The following GALNT13 variants were observed in gnomAD, a reference collection of about 807,000 sequenced individuals.
GALNT13 encodes UDP-GalNAc:polypeptide N-acetylgalactosaminyltransferase 13.
Under a neutral mutation model 64.2 loss-of-function variants are expected in GALNT13, and 28 were observed. That is an observed-to-expected ratio of 0.44 (90% CI 0.32 to 0.60). GALNT13 has a LOEUF of 0.60. GALNT13 is among the 20% of genes least tolerant of loss of function. GALNT13 has a pLI of 0.05. For synonymous variants in GALNT13, 214 were observed against 224.6 expected (o/e 0.95, Z 0.42); for missense variants, 577 against 669.8 (o/e 0.86, Z 1.53).
chr2:153,933,232 C>T (rs1240482906), intron 2 of GALNT13, among the ~76,000 whole-genome samples: 1 of 152,100 alleles, frequency 6.6e-6, no homozygotes, highest in Non-Finnish European at 1.5e-5. Flanking sequence ...TGAAGTCCCC[C>T]ATTACTATTG....
chr2:153,768,781 G>T, the GALNT13 span, among the ~76,000 whole-genome samples: 6 of 152,262 alleles, frequency 3.9e-5, 1 homozygote, highest in East Asian at 1.2e-3. Context: ...CAGGAAAATG[G>T]TGTGAACCCA....
At chr2:153,629,523 T>C in the GALNT13 span, among the ~76,000 whole-genome samples, 1 of 152,150 alleles carries the variant, frequency 6.6e-6, no homozygotes, top group Non-Finnish European at 1.5e-5. Context: ...ACTTCAATGT[T>C]AGACGTAAAA....
the GALNT13 span, among the ~76,000 whole-genome samples, chr2:153,138,900 G>C: frequency 6.6e-6 from 1 of 151,966 alleles, no homozygotes; most frequent in South Asian, 2.1e-4. Context: ...GGTTGAGTAT[G>C]TGCTCAAAGA....
chr2:154,076,674 C>T (rs1701005288), intron 3 of GALNT13, among the ~76,000 whole-genome samples: 1 of 151,600 alleles, frequency 6.6e-6, no homozygotes, highest in East Asian at 1.9e-4. Context: ...AAATGCTAAA[C>T]TGGGTGGGAT....
chr2:153,387,659 C>T, the GALNT13 span, among the ~76,000 whole-genome samples: 1 of 152,056 alleles, frequency 6.6e-6, no homozygotes, highest in African/African-American at 2.4e-5. Flanking sequence ...TTTATTTTTA[C>T]TTATAGGAAT....
chr2:154,084,074 T>C (rs1363840929), intron 3 of GALNT13, among the ~76,000 whole-genome samples: 1 of 151,880 alleles, frequency 6.6e-6, no homozygotes, highest in Non-Finnish European at 1.5e-5. Context: ...CTTCTCAATT[T>C]TTACTGGAGA....
the GALNT13 span, among the ~76,000 whole-genome samples, chr2:153,728,517 C>T: frequency 2.3e-4 from 35 of 152,224 alleles, no homozygotes; most frequent in African/African-American, 6.3e-4. Context: ...AAATTTGTAG[C>T]GCTAAATGCC....
intron 8 of GALNT13, among the ~76,000 whole-genome samples, chr2:154,297,969 G>A (rs1046472723): frequency 6.6e-6 from 1 of 151,978 alleles, no homozygotes; most frequent in African/African-American, 2.4e-5. Context: ...ATGTTTCTGG[G>A]ACATACAAGA....
At chr2:153,758,216 C>T in the GALNT13 span, among the ~76,000 whole-genome samples, 1 of 151,926 alleles carries the variant, frequency 6.6e-6, no homozygotes, top group Admixed American at 6.6e-5. Flanking sequence ...CAAATTTCCC[C>T]ATATCCTTTA....
the GALNT13 span, among the ~76,000 whole-genome samples, chr2:153,811,765 T>G: frequency 8.5e-5 from 13 of 152,170 alleles, no homozygotes; most frequent in Admixed American, 5.9e-4. Context: ...TGCAGAATGA[T>G]TCTTCCAATT....
At chr2:153,571,913 T>C in the GALNT13 span, among the ~76,000 whole-genome samples, 6 of 151,538 alleles carry the variant, frequency 4.0e-5, no homozygotes, top group Admixed American at 1.3e-4. Context: ...TTTCTTTTTT[T>C]TTGATGTGTG....
the GALNT13 span, among the ~76,000 whole-genome samples, chr2:153,273,109 A>G: frequency 1.3e-5 from 2 of 152,068 alleles, no homozygotes; most frequent in Admixed American, 1.3e-4. Context: ...GAGGGGAACA[A>G]TACACACCGG....
chr2:153,381,851 C>T, the GALNT13 span, among the ~76,000 whole-genome samples: 166 of 152,252 alleles, frequency 1.1e-3, no homozygotes, highest in Non-Finnish European at 1.8e-3. Flanking sequence ...CAATCACCTG[C>T]ATTCATATAG....
chr2:153,176,910 T>C, the GALNT13 span, among the ~76,000 whole-genome samples: 22 of 152,128 alleles, frequency 1.4e-4, no homozygotes, highest in Admixed American at 1.4e-3. Context: ...CCTAGACTTC[T>C]ATAACCTATG....
chr2:153,319,361 A>C, the GALNT13 span, among the ~76,000 whole-genome samples: 3,523 of 152,244 alleles, frequency 0.023, 148 homozygotes, highest in African/African-American at 0.081. Flanking sequence ...TGCCGCCTCA[A>C]ACTCCTGGCT....
chr2:153,632,526 C>T, the GALNT13 span, among the ~76,000 whole-genome samples: 1 of 152,128 alleles, frequency 6.6e-6, no homozygotes, highest in East Asian at 1.9e-4. Context: ...TCATCCTTCC[C>T]AAACTCCACC....
intron 3 of GALNT13, among the ~76,000 whole-genome samples, chr2:153,944,842 G>T (rs1163914114): frequency 1.3e-5 from 2 of 152,132 alleles, no homozygotes; most frequent in South Asian, 4.1e-4. Flanking sequence ...AATAAGAAGA[G>T]TTAGCTAACC....
intron 9 of GALNT13, among the ~76,000 whole-genome samples, chr2:154,391,850 A>C (rs1019060789): frequency 5.3e-5 from 8 of 152,274 alleles, no homozygotes; most frequent in African/African-American, 1.9e-4. Flanking sequence ...AGATAGTAAT[A>C]AGTGCCATGG....
intron 4 of GALNT13, among the ~76,000 whole-genome samples, chr2:154,189,045 T>A (rs549641662): frequency 6.6e-6 from 1 of 152,286 alleles, no homozygotes; most frequent in Non-Finnish European, 1.5e-5. Flanking sequence ...AAAATTAAAA[T>A]TTTTGAATTA....
Sources: gnomAD v4.1 joint callset for allele counts (sites outside exome capture counted in the v4.1 genomes callset) on GRCh38, gnomAD v4.1.1 for gene constraint, MANE v1.5 for transcripts, NCBI Gene and HGNC (gene_info 2026-07-23, HGNC 2026-07-21) for gene names.